LSM8: variants seen among roughly 807,000 people sequenced by gnomAD.
LSM8 encodes the protein LSM8 U6 small nuclear RNA associated.
In LSM8, 14 loss-of-function variants were observed where a neutral mutation model predicts 15.0. That is an observed-to-expected ratio of 0.93 (90% CI 0.62 to 1.46). LSM8 has a LOEUF of 1.46. Among genes scored for constraint, LSM8 ranks in the 40% most tolerant of loss-of-function variants. LSM8 has a pLI of 0.00. For missense variants in LSM8, 90 were observed against 115.4 expected, an observed-to-expected ratio of 0.78 and a Z score of 1.01; for synonymous variants, 50 against 42.1, an observed-to-expected ratio of 1.19 and a Z score of -0.73.
intron 2 of LSM8, 115 bp from the exon 3 acceptor site, chr7:118,188,163 G>A (rs970006172): frequency 3.2e-5 from 38 of 1,181,544 alleles, no homozygotes; most frequent in Admixed American, 9.8e-5. Flanking sequence ...TTTATTTGCC[G>A]TCGTATAGGT....
rs1309718106 is a variant in LSM8 at position 118,196,700 on chromosome 7, T to A, written c.*4698T>A. On this transcript the variant is annotated 3_prime_UTR_variant, in exon 4 of 4. Transcript: ENST00000249299. ...TTTCTTTTTTTTTAAGTCCTTTAATTTTTATTTATTTATTTATTTATTTAT... is the reference window on the plus strand; with the variant it reads ...TTTCTTTTTTTTTAAGTCCTTTAATATTTATTTATTTATTTATTTATTTAT... Among the ~76,000 whole-genome samples, 9 of 129,806 alleles carry A rather than the reference T, an allele frequency of 6.9e-5. No homozygotes were observed. Among genetic ancestry groups the A allele is most frequent in the African/African-American group, 1.7e-4 (6 of 35,332 alleles). The allele number at this position is 129,806 out of a possible 152,430, so 85.2% of individuals were successfully genotyped here.
intron 3 of LSM8, 142 bp from the exon 4 acceptor site, chr7:118,191,770 T>C: frequency 1.6e-6 from 1 of 619,704 alleles, no homozygotes; most frequent in Non-Finnish European, 2.8e-6. Flanking sequence ...TGTTTGCTTT[T>C]TACCTTAATT....
rs769446175 is a variant in LSM8, at chr7:118,188,269, T to C, written c.73-9T>C. On this transcript the variant is annotated splice_polypyrimidine_tract_variant and intron_variant, in intron 2 of 3. Coordinates refer to ENST00000249299, the MANE Select transcript of LSM8 (RefSeq NM_016200.5). ...ATTTCTCTTTTTCTCCTGAATATTT[T>C]CTTTACAGGGAACACTGAAAGGTTT... 1.8e-5 allele frequency: 29 copies of C among 1,612,660 alleles called. No individual in the cohort carries two copies. In the East Asian group the frequency reaches 6.5e-4, roughly 36 times the overall value.
intron 1 of LSM8, chr7:118,184,477 C>T (rs1808849731): frequency 4.4e-6 from 2 of 457,694 alleles, no homozygotes; most frequent in Non-Finnish European, 3.8e-6. Context: ...CAAATAAAAA[C>T]CCAGTGTGAT....
At position 118,201,406 on chromosome 7, in the gene LSM8, C is replaced by T. The variant is rs953006243; in HGVS notation, c.*9404C>T. On this transcript the variant is annotated 3_prime_UTR_variant, in exon 4 of 4. Transcript: ENST00000249299. ...TGGGCCTGATGACATCATTTCAGCA[C>T]CTGGATCCAGCGATGCCTAAAGATG... Among the ~76,000 whole-genome samples the T allele has an allele frequency of 2.0e-5, 3 of 152,018 alleles. No individual in the cohort carries two copies. The highest frequency in any genetic ancestry group is 7.2e-5 in the African/African-American group (3 of 41,440).
intron 2 of LSM8, among the ~76,000 whole-genome samples, 160 bp from the exon 3 acceptor site, chr7:118,188,118 G>A (rs1808916411): frequency 6.6e-6 from 1 of 152,134 alleles, no homozygotes; most frequent in South Asian, 2.1e-4. Flanking sequence ...GGTAAATTGT[G>A]TACCCTCGAA....
rs1000440978 is a variant in LSM8 at position 118,196,496 on chromosome 7, C to T, written c.*4494C>T. Among the ~76,000 whole-genome samples, 1 of 151,506 alleles carries T rather than the reference C, an allele frequency of 6.6e-6. No homozygotes were observed. Among genetic ancestry groups the T allele is most frequent in the Non-Finnish European group, 1.5e-5 (1 of 67,872 alleles). ...AGGACTTCACCAGGAGAATTTCTTT[C>T]ATTAGTTAACAGTATGCCATCTCCT... On this transcript the variant is annotated 3_prime_UTR_variant, in exon 4 of 4. Coordinates refer to ENST00000249299, the MANE Select transcript of LSM8 (RefSeq NM_016200.5).
At chr7:118,184,369 A>G in intron 1 of LSM8, 115 bp downstream of exon 1, 6 of 1,251,068 alleles carry the variant, frequency 4.8e-6, no homozygotes, top group Non-Finnish European at 6.3e-6. Context: ...GCGGGCGAGG[A>G]GATGAGGGCC....
At position 118,188,313 on chromosome 7, in the gene LSM8, G is replaced by A. The variant is rs35949266; in HGVS notation, c.108G>A (p.Leu36=). 1.3e-3 allele frequency: 2,062 copies of A among 1,613,484 alleles called. 24 individuals are homozygous for A. The African/African-American group carries it at 0.024, about 19-fold the overall frequency. ...TLKGFDQTIN[L]ILDESHERVF... ...AAGGTTTTGACCAGACCATTAATTT[G>A]ATTTTGGATGAAAGCCATGAACGAG... is the stretch of plus-strand genomic sequence containing the variant. The change falls in exon 3 of 4, where the codon TTG becomes TTA. Residue 36 remains leucine, a synonymous_variant. Coordinates refer to ENST00000249299, the MANE Select transcript of LSM8 (RefSeq NM_016200.5).
chr7:118,185,704 T>C lies in LSM8; in HGVS notation c.72+10T>C, dbSNP rs780308214. 15 of 1,606,436 alleles carry C rather than the reference T, an allele frequency of 9.3e-6. No individual in the cohort carries two copies. Among genetic ancestry groups the C allele is most frequent in the Middle Eastern group, 1.7e-4 (1 of 6,046 alleles). On this transcript the variant is annotated intron_variant, in intron 2 of 3. Transcript: ENST00000249299. ...TGGGAGAATGATTGTGGTAAGTCTTTGGAATTTTCATTCTCTGCTTTCCTG... is the reference window on the plus strand; with the variant it reads ...TGGGAGAATGATTGTGGTAAGTCTTCGGAATTTTCATTCTCTGCTTTCCTG...
At position 118,184,184 on chromosome 7, in the gene LSM8, C is replaced by T. The variant is rs765092916; in HGVS notation, c.-40C>T. 4 of 1,544,660 alleles carry T rather than the reference C, an allele frequency of 2.6e-6. No individual in the cohort carries two copies. Among genetic ancestry groups the T allele is most frequent in the Admixed American group, 4.0e-5 (2 of 50,562 alleles). On this transcript the variant is annotated 5_prime_UTR_variant, in exon 1 of 4. Coordinates refer to ENST00000249299, the MANE Select transcript of LSM8 (RefSeq NM_016200.5). ...GCGCCCTTTCAGTTCTGCTTGCTGT[C>T]GGCACCGCTGCGTTACCCGGAACCG...
intron 2 of LSM8, among the ~76,000 whole-genome samples, chr7:118,187,094 A>C (rs531462629): frequency 6.6e-6 from 1 of 152,346 alleles, no homozygotes; most frequent in South Asian, 2.1e-4. Context: ...AGAAGTTATG[A>C]ATGGATGTTT....
chr7:118,188,490 T>TC, intron 3 of LSM8, 85 bp downstream of exon 3: 1 of 1,216,452 alleles, frequency 8.2e-7, no homozygotes, highest in South Asian at 1.4e-5. Context: ...CCCTACTGTA[T>TC]TGTCCATACA....
intron 1 of LSM8, 29 bp from the exon 2 acceptor site, chr7:118,185,625 A>G (rs757555814): frequency 6.3e-7 from 1 of 1,584,262 alleles, no homozygotes; most frequent in African/African-American, 1.3e-5. Context: ...GCATTCCCTA[A>G]GAAACACTTT....
At chr7:118,185,838 C>A in intron 2 of LSM8, 144 bp downstream of exon 2, 1 of 694,514 alleles carries the variant, frequency 1.4e-6, no homozygotes, top group Non-Finnish European at 2.4e-6. Flanking sequence ...TATCACTTTG[C>A]TGTCAATCCA....
At chr7:118,189,865 A>C (rs567429034) in intron 3 of LSM8, 1 of 152,354 alleles carries the variant, frequency 6.6e-6, no homozygotes, top group South Asian at 2.1e-4. Context: ...CCATCTTGAA[A>C]AAAAAAAGAA....
chr7:118,203,361 A>C lies in LSM8; in HGVS notation c.*11359A>C, dbSNP rs73205563. 0.027 allele frequency among the ~76,000 whole-genome samples: 4,083 copies of C among 151,980 alleles called. 85 individuals carry two copies. The highest frequency in any genetic ancestry group is 0.044 in the Middle Eastern group (13 of 294). ...AGAAGATACTAATATTTCTGATATC[A>C]TATAGGAGTAAAAATTGCGGGGAGG... On this transcript the variant is annotated 3_prime_UTR_variant, in exon 4 of 4. Transcript: ENST00000249299.
At chr7:118,191,256 C>T (rs1362094037) in intron 3 of LSM8, 3 of 151,972 alleles carry the variant, frequency 2.0e-5, no homozygotes, top group Non-Finnish European at 2.9e-5. Context: ...GGTTATCTAG[C>T]GTGGTATTAA....
chr7:118,190,494 T>TA, intron 3 of LSM8: 1 of 152,224 alleles, frequency 6.6e-6, no homozygotes. Context: ...GATGTCTTGT[T>TA]AGTAGCTTGA....
Sources: allele counts gnomAD v4.1 joint callset (sites outside exome capture counted in the v4.1 genomes callset), GRCh38; gene constraint gnomAD v4.1.1; transcripts MANE v1.5; gene names NCBI Gene and HGNC (gene_info 2026-07-23, HGNC 2026-07-21).